TEX101: variants seen among roughly 807,000 people sequenced by gnomAD.
TEX101 encodes testis-expressed protein 101.
Under a neutral mutation model 18.1 loss-of-function variants are expected in TEX101, and 10 were observed. That is an observed-to-expected ratio of 0.55 (90% confidence interval 0.34 to 0.94). The LOEUF is 0.94. TEX101 is among the 40% of genes least tolerant of loss of function. The pLI is 0.02. For missense variants in TEX101, 259 were observed against 298.9 expected (o/e 0.87, Z 0.98); for synonymous variants, 94 against 114.8 (o/e 0.82, Z 1.16).
intron 2 of TEX101, among the ~76,000 whole-genome samples, chr19:43,405,073 T>C (rs1457108772): frequency 6.6e-6 from 1 of 152,186 alleles, no homozygotes; most frequent in Non-Finnish European, 1.5e-5. Context: ...TATACAAAGA[T>C]ACACTAAAAA....
intron 3 of TEX101, among the ~76,000 whole-genome samples, chr19:43,406,924 G>GTT (rs201495986): frequency 3.1e-4 from 32 of 101,954 alleles, no homozygotes; most frequent in South Asian, 7.2e-4. Context: ...TTTTGTCTTT[G>GTT]TTTTTTGTTT....
upstream of TEX101, among the ~76,000 whole-genome samples, chr19:43,396,546 C>A (rs1414628228): frequency 1.3e-5 from 2 of 152,230 alleles, no homozygotes; most frequent in Non-Finnish European, 2.9e-5. Flanking sequence ...TTAGAATCAT[C>A]TCACATGCCT....
At chr19:43,414,858 T>C (rs1970454526), upstream of TEX101, 1 of 985,394 alleles carries the variant, frequency 1.0e-6, no homozygotes, top group Non-Finnish European at 1.2e-6. Flanking sequence ...TTTCGAGTGC[T>C]GTGTGGCCAG....
upstream of TEX101, among the ~76,000 whole-genome samples, chr19:43,399,574 T>C (rs1970301764): frequency 1.3e-5 from 2 of 152,162 alleles, no homozygotes. Flanking sequence ...TGTTGTCTGT[T>C]TAGGAAGTTA....
upstream of TEX101, among the ~76,000 whole-genome samples, chr19:43,397,858 TAAATATATAATATATAA>T (rs1970282812): frequency 1.3e-5 from 1 of 75,376 alleles, no homozygotes; most frequent in Non-Finnish European, 2.6e-5. Context: ...ATAATATATA[TAAATATATAATATATAA>T]AAATATATAT....
chr19:43,395,413 T>C, the TEX101 span, among the ~76,000 whole-genome samples: 1 of 152,238 alleles, frequency 6.6e-6, no homozygotes, highest in Admixed American at 6.5e-5. Context: ...TGAGTCCATC[T>C]TTCCCCACCC....
upstream of TEX101, among the ~76,000 whole-genome samples, chr19:43,401,006 A>G (rs56151789): frequency 6.6e-6 from 1 of 152,130 alleles, no homozygotes; most frequent in Non-Finnish European, 1.5e-5. Flanking sequence ...TTTCTGACAC[A>G]TGTTCTATAG....
chr19:43,414,594 G>A (rs1970450517), upstream of TEX101, among the ~76,000 whole-genome samples: 1 of 152,200 alleles, frequency 6.6e-6, no homozygotes, highest in Non-Finnish European at 1.5e-5. Flanking sequence ...GGCTGGAGAA[G>A]CAGAGACAAC....
chr19:43,414,790 G>A (rs548566250), upstream of TEX101: 136 of 963,844 alleles, frequency 1.4e-4, no homozygotes, highest in South Asian at 1.7e-3. Context: ...ATGAGGTGCC[G>A]CGTTCCTCCA....
intron 3 of TEX101, among the ~76,000 whole-genome samples, chr19:43,409,526 A>G (rs1970400468): frequency 6.6e-6 from 1 of 152,168 alleles, no homozygotes; most frequent in African/African-American, 2.4e-5. Context: ...GAAATATTTT[A>G]CATATAGGGA....
At chr19:43,414,535 A>AG (rs1414627556), upstream of TEX101, among the ~76,000 whole-genome samples, 1 of 152,186 alleles carries the variant, frequency 6.6e-6, no homozygotes, top group East Asian at 1.9e-4. Flanking sequence ...CCATTTGGGT[A>AG]GGGAGATAAG....
the TEX101 span, among the ~76,000 whole-genome samples, chr19:43,394,232 G>A: frequency 6.6e-6 from 1 of 151,714 alleles, no homozygotes; most frequent in Admixed American, 6.6e-5. Flanking sequence ...TAAAACTGGA[G>A]TCCCTTCCAA....
At chr19:43,402,200 T>A (rs1970323921) in intron 1 of TEX101, among the ~76,000 whole-genome samples, 1 of 152,268 alleles carries the variant, frequency 6.6e-6, no homozygotes, top group Non-Finnish European at 1.5e-5. Context: ...CCTTTATGTA[T>A]ACAGAAGTCA....
chr19:43,412,081 G>GTTCT (rs1970424411), upstream of TEX101, among the ~76,000 whole-genome samples: 1 of 152,204 alleles, frequency 6.6e-6, no homozygotes, highest in Non-Finnish European at 1.5e-5. Context: ...TCAAGGGGCT[G>GTTCT]TGTATTGGGG....
chr19:43,397,449 C>T (rs573891882), upstream of TEX101, among the ~76,000 whole-genome samples: 3 of 141,220 alleles, frequency 2.1e-5, no homozygotes, highest in African/African-American at 7.7e-5. Flanking sequence ...CTTTCTTACA[C>T]ATCATCCTTT....
chr19:43,394,856 G>A, the TEX101 span, among the ~76,000 whole-genome samples: 6 of 152,170 alleles, frequency 3.9e-5, no homozygotes, highest in Admixed American at 3.9e-4. Context: ...TACTTGTGAT[G>A]TTTGTTTGTT....
chr19:43,396,175 T>C, the TEX101 span, among the ~76,000 whole-genome samples: 1 of 152,174 alleles, frequency 6.6e-6, no homozygotes. Context: ...AGAAATGGGA[T>C]CCTGACAGAT....
At chr19:43,409,014 T>A (rs1468955498) in intron 3 of TEX101, among the ~76,000 whole-genome samples, 1 of 152,218 alleles carries the variant, frequency 6.6e-6, no homozygotes, top group African/African-American at 2.4e-5. Flanking sequence ...GTCAAATCAA[T>A]AATTAGATTA....
At chr19:43,406,466 G>A (rs1447422408) in exon 3 of TEX101, 1 of 769,884 alleles carries the variant, frequency 1.3e-6, no homozygotes, top group South Asian at 1.4e-5. Context: ...CAGGAGAGGG[G>A]GATCGGTGGG....
Sources: gnomAD v4.1 joint callset for allele counts (sites outside exome capture counted in the v4.1 genomes callset) on GRCh38, gnomAD v4.1.1 for gene constraint, MANE v1.5 for transcripts, NCBI Gene and HGNC (gene_info 2026-07-23, HGNC 2026-07-21) for gene names.